Variants in GFOD1 observed in about 807,000 individuals in gnomAD.
GFOD1 encodes the protein glucose-fructose oxidoreductase domain-containing protein 1.
In GFOD1, 9 loss-of-function variants were observed where a neutral mutation model predicts 25.4. The ratio of observed to expected loss-of-function variants is 0.35; its 90% CI spans 0.21 to 0.62. The LOEUF is 0.62. Among genes scored for constraint, GFOD1 ranks in the 20% least tolerant of loss-of-function variants. GFOD1 has a pLI of 0.72. For missense variants in GFOD1, 403 were observed against 556.9 expected, an observed-to-expected ratio of 0.72 and a Z score of 2.78; for synonymous variants, 253 against 245.6, an observed-to-expected ratio of 1.03 and a Z score of -0.28.
At chr6:13,395,001 T>G (rs2127562103) in intron 1 of GFOD1, among the ~76,000 whole-genome samples, 1 of 152,282 alleles carries the variant, frequency 6.6e-6, no homozygotes, top group Admixed American at 6.5e-5. Flanking sequence ...CTGGCTGGTC[T>G]TGAACTCTTG....
chr6:13,480,006 TG>T (rs1226081274), intron 1 of GFOD1, among the ~76,000 whole-genome samples: 1 of 152,232 alleles, frequency 6.6e-6, no homozygotes. Context: ...TTATTTCCGC[TG>T]GCGTGGCAAT....
chr6:13,399,503 A>C (rs1017910989), intron 1 of GFOD1, among the ~76,000 whole-genome samples: 1 of 152,252 alleles, frequency 6.6e-6, no homozygotes, highest in Non-Finnish European at 1.5e-5. Flanking sequence ...TGAATAGATA[A>C]ATAAATTGTG....
chr6:13,447,193 G>T (rs1758017020), intron 1 of GFOD1, among the ~76,000 whole-genome samples: 1 of 152,184 alleles, frequency 6.6e-6, no homozygotes, highest in South Asian at 2.1e-4. Context: ...GAAGGTGTGG[G>T]CAGGGCTGGA....
At chr6:13,407,953 G>A in intron 1 of GFOD1, 2 of 985,420 alleles carry the variant, frequency 2.0e-6, no homozygotes, top group African/African-American at 1.7e-5. Flanking sequence ...AAGAGCAGAA[G>A]TTCACAGAAT....
At chr6:13,448,584 T>C (rs1304147900) in intron 1 of GFOD1, among the ~76,000 whole-genome samples, 5 of 152,150 alleles carry the variant, frequency 3.3e-5, no homozygotes, top group Non-Finnish European at 5.9e-5. Flanking sequence ...GTGAACAAAT[T>C]TGAATAGAAA....
chr6:13,398,334 G>A (rs7763582), intron 1 of GFOD1, among the ~76,000 whole-genome samples: 6,438 of 152,232 alleles, frequency 0.042, 350 homozygotes, highest in African/African-American at 0.13. Flanking sequence ...CAGGGATCAG[G>A]AAAATGCTGA....
intron 1 of GFOD1, among the ~76,000 whole-genome samples, chr6:13,461,654 T>C (rs1584665847): frequency 6.6e-6 from 1 of 152,172 alleles, no homozygotes; most frequent in Admixed American, 6.5e-5. Context: ...GGTGTGCTGG[T>C]GTTTTTCCCT....
At chr6:13,435,840 C>T (rs1757824896) in intron 1 of GFOD1, among the ~76,000 whole-genome samples, 1 of 152,130 alleles carries the variant, frequency 6.6e-6, no homozygotes, top group Admixed American at 6.5e-5. Flanking sequence ...TTTTAAAACC[C>T]TAATATTATA....
chr6:13,446,142 T>C (rs1302046033), intron 1 of GFOD1, among the ~76,000 whole-genome samples: 1 of 152,240 alleles, frequency 6.6e-6, no homozygotes, highest in Non-Finnish European at 1.5e-5. Context: ...AGCCCATTCC[T>C]AGCCCAATAA....
At chr6:13,419,674 G>A (rs9474155) in intron 1 of GFOD1, among the ~76,000 whole-genome samples, 12 of 152,070 alleles carry the variant, frequency 7.9e-5, no homozygotes, top group Admixed American at 4.6e-4. Context: ...CCGTGCCGCC[G>A]CTCCTCTGAC....
At chr6:13,481,926 T>C (rs972035963) in intron 1 of GFOD1, among the ~76,000 whole-genome samples, 1 of 152,296 alleles carries the variant, frequency 6.6e-6, no homozygotes, top group South Asian at 2.1e-4. Flanking sequence ...TACATGGTTG[T>C]ATAAGCCAAA....
intron 1 of GFOD1, among the ~76,000 whole-genome samples, chr6:13,449,238 C>A (rs534230947): frequency 6.6e-6 from 1 of 152,304 alleles, no homozygotes; most frequent in East Asian, 1.9e-4. Flanking sequence ...CTGCAGTGAG[C>A]TATGACTGTG....
intron 1 of GFOD1, among the ~76,000 whole-genome samples, chr6:13,382,347 T>TGGGGG (rs57799706): frequency 1.4e-5 from 2 of 143,760 alleles, no homozygotes; most frequent in African/African-American, 5.2e-5. Context: ...AATTGAATCA[T>TGGGGG]GGGGGGGGGG....
intron 1 of GFOD1, among the ~76,000 whole-genome samples, chr6:13,433,958 A>G (rs1388489841): frequency 6.6e-6 from 1 of 152,208 alleles, no homozygotes; most frequent in Non-Finnish European, 1.5e-5. Context: ...TCTTATTGTA[A>G]GGCCTGCACC....
At chr6:13,456,584 C>T (rs966255) in intron 1 of GFOD1, among the ~76,000 whole-genome samples, 4,136 of 152,302 alleles carry the variant, frequency 0.027, 93 homozygotes, top group Middle Eastern at 0.054. Flanking sequence ...CTACTCATCA[C>T]GGTCACCTCT....
intron 1 of GFOD1, among the ~76,000 whole-genome samples, chr6:13,431,337 G>T (rs1247935279): frequency 6.6e-6 from 1 of 152,134 alleles, no homozygotes; most frequent in East Asian, 1.9e-4. Context: ...TTGTTCCAAG[G>T]TCATTTAGTC....
chr6:13,391,697 C>G (rs1785617204), intron 1 of GFOD1, among the ~76,000 whole-genome samples: 1 of 152,164 alleles, frequency 6.6e-6, no homozygotes, highest in African/African-American at 2.4e-5. Flanking sequence ...AGGGCTGAGT[C>G]TGACCTCAAA....
At chr6:13,402,578 G>A (rs1339071993) in intron 1 of GFOD1, among the ~76,000 whole-genome samples, 2 of 43,432 alleles carry the variant, frequency 4.6e-5, no homozygotes, top group Non-Finnish European at 2.8e-4. Flanking sequence ...ATGAAAAGAT[G>A]CTCAACATCA....
chr6:13,411,355 G>A (rs577405704), intron 1 of GFOD1, among the ~76,000 whole-genome samples: 6 of 152,226 alleles, frequency 3.9e-5, no homozygotes, highest in Non-Finnish European at 5.9e-5. Context: ...GCAGTGGCGC[G>A]ATACCGGCTC....
Sources: gnomAD v4.1 joint callset for allele counts (sites outside exome capture counted in the v4.1 genomes callset) on GRCh38, gnomAD v4.1.1 for gene constraint, MANE v1.5 for transcripts, NCBI Gene and HGNC (gene_info 2026-07-23, HGNC 2026-07-21) for gene names.